TRPC7: variants seen among roughly 807,000 people sequenced by gnomAD.
The protein encoded by TRPC7 is short transient receptor potential channel 7.
In TRPC7, 42 loss-of-function variants were observed where a neutral mutation model predicts 90.1. The observed-to-expected ratio is 0.47, with a 90% confidence interval of 0.36 to 0.60. The LOEUF (loss-of-function observed/expected upper bound fraction) is 0.60, where lower values mean the gene tolerates loss of function less well. TRPC7 is among the 20% of genes least tolerant of loss of function. TRPC7 has a pLI of 0.00. For missense variants in TRPC7, 955 were observed against 1,112.3 expected (o/e 0.86, Z 2.01); for synonymous variants, 451 against 436.3 (o/e 1.03, Z -0.42).
intron 3 of TRPC7, among the ~76,000 whole-genome samples, chr5:136,283,038 G>A (rs1757594270): frequency 6.6e-6 from 1 of 152,222 alleles, no homozygotes; most frequent in Non-Finnish European, 1.5e-5. Flanking sequence ...TGTGCCAAGT[G>A]CAGGACATCA....
chr5:136,265,204 G>A (rs556321805), intron 5 of TRPC7, among the ~76,000 whole-genome samples: 1 of 152,140 alleles, frequency 6.6e-6, no homozygotes, highest in Non-Finnish European at 1.5e-5. Context: ...TAAACATAAT[G>A]AAAATTATAC....
At chr5:136,258,988 G>C (rs1756771398) in intron 5 of TRPC7, among the ~76,000 whole-genome samples, 1 of 152,174 alleles carries the variant, frequency 6.6e-6, no homozygotes, top group Non-Finnish European at 1.5e-5. Flanking sequence ...GTTGGCCTCA[G>C]ACACATTCAG....
Position 136,278,571 on chromosome 5 carries a change from A to G in TRPC7, c.964-3734T>C, listed in dbSNP as rs544530721. Among the ~76,000 whole-genome samples the G allele has an allele frequency of 2.0e-5, 3 of 152,356 alleles. No homozygotes were observed. The South Asian group carries it at 6.2e-4, about 32-fold the overall frequency. Reference sequence around the variant, plus strand: ...AAGTGCCAGGAGATTAAGAAACAACAACAACTTCCTTAATTCCCAAAGGCA... The same window carrying G: ...AAGTGCCAGGAGATTAAGAAACAACGACAACTTCCTTAATTCCCAAAGGCA... On this transcript the variant is annotated intron_variant, in intron 3 of 11. Coordinates refer to ENST00000513104, the MANE Select transcript of TRPC7 (RefSeq NM_020389.3).
rs752077953 is a variant in TRPC7 at position 136,251,607 on chromosome 5, G to A, written c.1579+42C>T. On this transcript the variant is annotated intron_variant, in intron 6 of 11. Transcript: ENST00000513104. ...CAGTGAAGCACCAGGCCCACGTCCC[G>A]GAAGCGCCAAAATGGAGTAGGGGAA... is the stretch of plus-strand genomic sequence containing the variant. 7.3e-6 allele frequency: 11 copies of A among 1,496,928 alleles called. 1 individual carries two copies. The South Asian group carries it at 1.1e-4, about 15-fold the overall frequency. The allele number at this position is 1,496,928 out of a possible 1,614,324, so 92.7% of individuals were successfully genotyped here.
At chr5:136,356,540 T>G in intron 2 of TRPC7, 68 bp downstream of exon 2, 1 of 1,425,030 alleles carries the variant, frequency 7.0e-7, no homozygotes, top group Non-Finnish European at 9.3e-7. Context: ...ACAACCCATT[T>G]CACACTGGAC....
rs1184041805 is a variant in TRPC7 at position 136,289,061 on chromosome 5, CT to C, written c.964-14225del. On this transcript the variant is annotated intron_variant, in intron 3 of 11. Coordinates refer to ENST00000513104, the MANE Select transcript of TRPC7 (RefSeq NM_020389.3). ...CAACACTTTAACATCTCCTTTTCACCTTTTCTAATAAGGACTTTGAATAAAG... is the reference window on the plus strand; with the variant it reads ...CAACACTTTAACATCTCCTTTTCACCTTTCTAATAAGGACTTTGAATAAAG... Among the ~76,000 whole-genome samples the C allele has an allele frequency of 2.6e-5, 4 of 152,208 alleles. 1 individual carries two copies. Among genetic ancestry groups the C allele is most frequent in the Non-Finnish European group, 5.9e-5 (4 of 68,040 alleles).
At chr5:136,273,557 T>C (rs1050541190) in intron 4 of TRPC7, among the ~76,000 whole-genome samples, 2 of 152,196 alleles carry the variant, frequency 1.3e-5, no homozygotes, top group African/African-American at 4.8e-5. Flanking sequence ...TCATTGACTG[T>C]CTGGTTAGGT....
At chr5:136,221,049 G>C (rs568630656) in intron 10 of TRPC7, among the ~76,000 whole-genome samples, 1 of 149,666 alleles carries the variant, frequency 6.7e-6, no homozygotes, top group Non-Finnish European at 1.5e-5. Flanking sequence ...ATATAGAAAA[G>C]ATGGACATAG....
chr5:136,346,398 C>T (rs981244506), intron 2 of TRPC7, among the ~76,000 whole-genome samples: 3 of 152,174 alleles, frequency 2.0e-5, no homozygotes, highest in Non-Finnish European at 4.4e-5. Flanking sequence ...TTTTGTCATA[C>T]TTGAGAGGGC....
intron 10 of TRPC7, among the ~76,000 whole-genome samples, chr5:136,218,051 AATATAAT>A (rs962794571): frequency 2.1e-5 from 3 of 144,776 alleles, no homozygotes; most frequent in Non-Finnish European, 3.0e-5. Flanking sequence ...ATATATATAT[AATATAAT>A]ATATAATATA....
At chr5:136,283,191 C>T (rs916580767) in intron 3 of TRPC7, among the ~76,000 whole-genome samples, 5 of 152,206 alleles carry the variant, frequency 3.3e-5, no homozygotes, top group African/African-American at 7.2e-5. Flanking sequence ...GATGTGCCAG[C>T]GGGGCCCACA....
At chr5:136,306,436 C>A (rs183213408) in intron 3 of TRPC7, among the ~76,000 whole-genome samples, 3 of 152,282 alleles carry the variant, frequency 2.0e-5, no homozygotes, top group African/African-American at 7.2e-5. Context: ...CCCATGCCAC[C>A]TAATCCCGCT....
At chr5:136,242,175 A>T (rs544412428) in intron 7 of TRPC7, among the ~76,000 whole-genome samples, 30 of 152,288 alleles carry the variant, frequency 2.0e-4, no homozygotes, top group Non-Finnish European at 4.1e-4. Flanking sequence ...TTCTCAGGTG[A>T]TTTTTCTCTC....
chr5:136,264,532 CA>C (rs1756961269), intron 5 of TRPC7, among the ~76,000 whole-genome samples: 5 of 151,888 alleles, frequency 3.3e-5, no homozygotes, highest in Admixed American at 3.3e-4. Flanking sequence ...TGTCCCTTCC[CA>C]ACTTTAGTGC....
At chr5:136,288,230 A>G (rs1757797625) in intron 3 of TRPC7, among the ~76,000 whole-genome samples, 1 of 152,132 alleles carries the variant, frequency 6.6e-6, no homozygotes, top group Non-Finnish European at 1.5e-5. Flanking sequence ...GCAGCAGTTA[A>G]TATGTGAGAT....
At chr5:136,274,598 C>G in intron 4 of TRPC7, 75 bp downstream of exon 4, 2 of 1,360,564 alleles carry the variant, frequency 1.5e-6, no homozygotes, top group Non-Finnish European at 1.9e-6. Flanking sequence ...CTAATTTGAA[C>G]AAAATGGATT....
At position 136,328,689 on chromosome 5, in the gene TRPC7, C is replaced by T. The variant is rs79984153; in HGVS notation, c.781-12910G>A. On this transcript the variant is annotated intron_variant, in intron 2 of 11. Coordinates refer to ENST00000513104, the MANE Select transcript of TRPC7 (RefSeq NM_020389.3). ...AAGGAGCAAACTGAAAAAGATAACC[C>T]AAATAAGGTGCTTCACACAATATGT... Among the ~76,000 whole-genome samples the T allele has an allele frequency of 5.3e-3, 812 of 152,276 alleles. 4 individuals carry two copies. Among genetic ancestry groups the T allele is most frequent in the African/African-American group, 0.018 (743 of 41,546 alleles).
chr5:136,244,991 T>C (rs1443613395), intron 7 of TRPC7, among the ~76,000 whole-genome samples: 1 of 152,246 alleles, frequency 6.6e-6, no homozygotes, highest in Non-Finnish European at 1.5e-5. Flanking sequence ...CATTACTATT[T>C]ATTGAAGGCT....
intron 4 of TRPC7, among the ~76,000 whole-genome samples, chr5:136,271,221 A>T (rs956909402): frequency 2.6e-5 from 4 of 152,194 alleles, no homozygotes; most frequent in African/African-American, 9.6e-5. Context: ...CTACAAAGAT[A>T]TAAGGTTGGA....
Sources: gnomAD v4.1 joint callset for allele counts (sites outside exome capture counted in the v4.1 genomes callset) on GRCh38, gnomAD v4.1.1 for gene constraint, MANE v1.5 for transcripts, NCBI Gene and HGNC (gene_info 2026-07-23, HGNC 2026-07-21) for gene names.